Variants in ZEB2 observed in about 807,000 individuals in gnomAD.
ZEB2 encodes the protein zinc finger E-box binding homeobox 2.
A neutral mutation model predicts 99.9 loss-of-function variants in ZEB2; 6 were observed. That is an observed-to-expected ratio of 0.06 (90% CI 0.03 to 0.12). The LOEUF (loss-of-function observed/expected upper bound fraction) is 0.12. Ranked by LOEUF, ZEB2 falls within the 10% of genes least tolerant of loss-of-function variation. ZEB2 has a pLI of 1.00. For synonymous variants in ZEB2, 517 were observed against 542.5 expected (o/e 0.95, Z 0.65); for missense variants, 969 against 1,502.8 (o/e 0.64, Z 5.87).
intron 4 of ZEB2, chr2:144,424,327 C>T (rs1197321370): frequency 1.2e-5 from 6 of 517,578 alleles, no homozygotes; most frequent in Non-Finnish European, 2.3e-5. Flanking sequence ...TTAAAAGGAA[C>T]TGAGATGATT....
At chr2:144,441,440 C>T (rs180801671) in intron 2 of ZEB2, among the ~76,000 whole-genome samples, 15 of 152,088 alleles carry the variant, frequency 9.9e-5, no homozygotes, top group Middle Eastern at 3.4e-3. Context: ...CCATGGACTT[C>T]CTTCCTTCAC....
chr2:144,492,662 G>C (rs529840772), intron 2 of ZEB2, among the ~76,000 whole-genome samples: 17 of 152,238 alleles, frequency 1.1e-4, no homozygotes, highest in Non-Finnish European at 2.4e-4. Flanking sequence ...GTGTCATTGA[G>C]AAAGGCAGAG....
intron 8 of ZEB2, chr2:144,397,978 T>TTAGG: frequency 2.8e-6 from 1 of 362,024 alleles, no homozygotes; most frequent in South Asian, 2.2e-5. Context: ...GTTATAAACT[T>TTAGG]TAACTTCTAG....
intron 4 of ZEB2, among the ~76,000 whole-genome samples, chr2:144,411,420 T>C (rs949714824): frequency 2.0e-5 from 3 of 152,180 alleles, no homozygotes; most frequent in African/African-American, 7.2e-5. Flanking sequence ...CTATAGATTC[T>C]CATGGCTACT....
intron 2 of ZEB2, among the ~76,000 whole-genome samples, chr2:144,444,369 A>G (rs139630024): frequency 5.9e-5 from 9 of 152,286 alleles, no homozygotes; most frequent in Non-Finnish European, 8.8e-5. Flanking sequence ...CTTTTTTTGG[A>G]TATATTCCTG....
At chr2:144,517,561 T>TCCCCCCCCCCCCCCCCCCC in intron 1 of ZEB2, 142 bp from the exon 2 acceptor site, 1 of 297,666 alleles carries the variant, frequency 3.4e-6, no homozygotes, top group Non-Finnish European at 6.0e-6. Context: ...GGCGGCCCCC[T>TCCCCCCCCCCCCCCCCCCC]CCCCGCCCCC....
intron 2 of ZEB2, among the ~76,000 whole-genome samples, chr2:144,492,893 C>T (rs529696536): frequency 1.1e-3 from 163 of 152,224 alleles, no homozygotes; most frequent in Admixed American, 1.0e-3. Flanking sequence ...TTTGCTTTAA[C>T]GAAACAATTT....
chr2:144,456,676 A>C (rs547061549), intron 2 of ZEB2, among the ~76,000 whole-genome samples: 26 of 152,212 alleles, frequency 1.7e-4, no homozygotes, highest in African/African-American at 6.0e-4. Flanking sequence ...AACTCTAATA[A>C]ATTTTTCTTC....
intron 2 of ZEB2, among the ~76,000 whole-genome samples, chr2:144,486,979 A>G (rs1184562429): frequency 6.6e-6 from 1 of 152,122 alleles, no homozygotes; most frequent in Non-Finnish European, 1.5e-5. Context: ...AAATGTTAGG[A>G]AGCTCAAACA....
chr2:144,457,647 A>G (rs1294918278), intron 2 of ZEB2, among the ~76,000 whole-genome samples: 1 of 152,112 alleles, frequency 6.6e-6, no homozygotes, highest in African/African-American at 2.4e-5. Context: ...CTGGTATGTA[A>G]CAGGTATTAA....
In ZEB2 at chr2:144,401,311, T is replaced by C. The variant is rs759097764; in HGVS notation, c.808-4A>G. The C allele has an allele frequency of 3.1e-6, 5 of 1,613,918 alleles. No homozygotes were observed. The South Asian group carries it at 4.4e-5, about 14-fold the overall frequency. ...CTCCTTGGGTTAGCATTTGGTGCTA[T>C]AAAAGGAGAAAGACTGACATCAGTT... On this transcript the variant is annotated splice_polypyrimidine_tract_variant and splice_region_variant and intron_variant, in intron 6 of 9. Coordinates refer to ENST00000627532, the MANE Select transcript of ZEB2 (RefSeq NM_014795.4).
At chr2:144,396,357 A>G in intron 9 of ZEB2, 55 bp downstream of exon 9, 1 of 1,593,844 alleles carries the variant, frequency 6.3e-7, no homozygotes, top group South Asian at 1.1e-5. Context: ...ATTAAATATT[A>G]TGAAATGTAC....
intron 2 of ZEB2, among the ~76,000 whole-genome samples, chr2:144,515,796 CTA>C (rs1491117738): frequency 2.4e-5 from 2 of 82,738 alleles, no homozygotes; most frequent in African/African-American, 4.0e-5. Flanking sequence ...CACACAAAAC[CTA>C]GAGAGAGAGA....
At chr2:144,498,049 A>T (rs1271352777) in intron 2 of ZEB2, among the ~76,000 whole-genome samples, 2 of 74,542 alleles carry the variant, frequency 2.7e-5, no homozygotes, top group African/African-American at 1.1e-4. Flanking sequence ...TTAATATTAT[A>T]TATTATATAA....
chr2:144,517,442 A>G (rs768609767), intron 1 of ZEB2, 23 bp from the exon 2 acceptor site: 1 of 1,493,286 alleles, frequency 6.7e-7, no homozygotes, highest in Admixed American at 1.7e-5. Flanking sequence ...CACAGCGACA[A>G]TGTGGGCATC....
chr2:144,404,853 T>C lies in ZEB2; in HGVS notation c.575A>G (p.Asn192Ser), dbSNP rs779549076. ...AGCCTCACCATTTTCTTCTTGCCCA[T>C]TGGCCTCTGGCGTGCCAAGGCGAGA... ...ELSRLGTPEA[N>S]GQEENDLPPG... The change falls in exon 5 of 10, where the codon AAT becomes AGT. Residue 192 changes from asparagine (N) to serine (S), a missense_variant. Asn to Ser is a conservative substitution (Grantham distance 46). Around this residue, in one of 8 missense-constraint regions of ZEB2, gnomAD observed 65 missense variants for 147.7 expected, o/e 0.44. Transcript: ENST00000627532. The C allele has an allele frequency of 1.6e-5, 26 of 1,613,996 alleles. No individual in the cohort carries two copies. The highest frequency in any genetic ancestry group is 4.5e-5 in the East Asian group (2 of 44,898).
chr2:144,479,528 C>T (rs1345150202), intron 2 of ZEB2, among the ~76,000 whole-genome samples: 1 of 152,166 alleles, frequency 6.6e-6, no homozygotes, highest in Admixed American at 6.5e-5. Context: ...AGCACCTAAA[C>T]TTTAAAGGCC....
chr2:144,416,152 C>T (rs2149885104), intron 4 of ZEB2, among the ~76,000 whole-genome samples: 1 of 152,316 alleles, frequency 6.6e-6, no homozygotes, highest in East Asian at 1.9e-4. Flanking sequence ...TTCTCATTCC[C>T]TTGAAACGTG....
chr2:144,439,018 ATG>A (rs1703872437), intron 2 of ZEB2, among the ~76,000 whole-genome samples: 1 of 151,798 alleles, frequency 6.6e-6, no homozygotes, highest in African/African-American at 2.4e-5. Context: ...AAACCAAACA[ATG>A]TGAGGGGAAA....
Sources: gnomAD v4.1 joint callset for allele counts (sites outside exome capture counted in the v4.1 genomes callset) on GRCh38, gnomAD v4.1.1 for gene constraint, gnomAD v4.1.1 regional missense constraint, MANE v1.5 for transcripts, NCBI Gene and HGNC (gene_info 2026-07-23, HGNC 2026-07-21) for gene names.